The following KIF26B variants were observed in gnomAD, a reference collection of about 807,000 sequenced individuals.
KIF26B encodes kinesin-like protein KIF26B.
In KIF26B, 63 loss-of-function variants were observed where a neutral mutation model predicts 151.2. That is an observed-to-expected ratio of 0.42 (90% CI 0.34 to 0.51). The LOEUF is 0.51. KIF26B is among the 20% of genes least tolerant of loss of function. The pLI, the probability that KIF26B is intolerant of heterozygous loss-of-function variation, is 0.07. For missense variants in KIF26B, 2,813 were observed against 2,913.6 expected (o/e 0.97, Z 0.79); for synonymous variants, 1,357 against 1,262.1 (o/e 1.08, Z -1.59).
chr1:245,464,655 C>CGT (rs113838583), intron 4 of KIF26B, among the ~76,000 whole-genome samples: 10 of 126,082 alleles, frequency 7.9e-5, no homozygotes, highest in South Asian at 2.7e-4. Context: ...TGTGGGTGTG[C>CGT]GTGTGTGTGT....
chr1:245,454,907 A>G (rs1320263620), intron 4 of KIF26B, among the ~76,000 whole-genome samples: 1 of 152,202 alleles, frequency 6.6e-6, no homozygotes, highest in Non-Finnish European at 1.5e-5. Context: ...TCCCCTCTGT[A>G]AAGCTGGAGT....
At chr1:245,232,580 T>G (rs1670020430) in intron 2 of KIF26B, among the ~76,000 whole-genome samples, 1 of 151,530 alleles carries the variant, frequency 6.6e-6, no homozygotes, top group African/African-American at 2.4e-5. Flanking sequence ...GATGGAGTTT[T>G]GCTCTTGTTG....
At chr1:245,157,507 G>A (rs1280974971) in intron 2 of KIF26B, among the ~76,000 whole-genome samples, 1 of 152,200 alleles carries the variant, frequency 6.6e-6, no homozygotes, top group African/African-American at 2.4e-5. Context: ...TATTATTTCC[G>A]TGACTTTAGA....
At chr1:245,389,798 G>A (rs556162100) in intron 3 of KIF26B, among the ~76,000 whole-genome samples, 21 of 152,224 alleles carry the variant, frequency 1.4e-4, no homozygotes, top group African/African-American at 4.6e-4. Context: ...TATGAGAGAC[G>A]CCAGCCCAAC....
chr1:245,369,197 G>GAC (rs1448812143), intron 3 of KIF26B, among the ~76,000 whole-genome samples: 1 of 143,948 alleles, frequency 6.9e-6, no homozygotes, highest in Non-Finnish European at 1.5e-5. Context: ...GAGAGAGAGA[G>GAC]ACAGACAGAC....
chr1:245,540,610 T>C lies in KIF26B; in HGVS notation c.1167-157T>C. 1.3e-6 allele frequency: 1 copy of C among 769,408 alleles called. No individual in the cohort carries two copies. Among genetic ancestry groups the C allele is most frequent in the Non-Finnish European group, 2.4e-6 (1 of 419,814 alleles). 47.7% of individuals were successfully genotyped at this position (769,408 alleles called of 1,614,324 possible). A position where few individuals can be genotyped will look rare whatever the true frequency, so the allele number is the denominator to read the frequency against. On this transcript the variant is annotated intron_variant, in intron 4 of 14. Coordinates refer to ENST00000407071, the MANE Select transcript of KIF26B (RefSeq NM_018012.4). The surrounding 1 kb of genome is among the most constrained non-coding windows in gnomAD (Gnocchi z 4.6). The stretch of plus-strand genomic sequence containing the variant: ...GGGTAGCTCGTTAACTTCACTCTGT[T>C]ATAGTAAGGGACTGCTACAGAGGAC...
At chr1:245,473,455 G>A (rs758046996) in intron 4 of KIF26B, among the ~76,000 whole-genome samples, 9 of 152,160 alleles carry the variant, frequency 5.9e-5, no homozygotes, top group Non-Finnish European at 1.2e-4. Context: ...GGCAAGCTAG[G>A]CGAGTGTGCC....
chr1:245,243,349 A>G (rs1195834735), intron 2 of KIF26B, among the ~76,000 whole-genome samples: 1 of 151,970 alleles, frequency 6.6e-6, no homozygotes, highest in Non-Finnish European at 1.5e-5. Context: ...TCCATGACCT[A>G]AATGTTCACA....
chr1:245,472,934 G>C (rs540954451), intron 4 of KIF26B, among the ~76,000 whole-genome samples: 6 of 152,232 alleles, frequency 3.9e-5, no homozygotes, highest in Non-Finnish European at 8.8e-5. Context: ...CCAAGAGGTA[G>C]GTGTGCAAGA....
At chr1:245,554,408 T>G (rs1363003382) in intron 5 of KIF26B, among the ~76,000 whole-genome samples, 2 of 152,216 alleles carry the variant, frequency 1.3e-5, no homozygotes, top group African/African-American at 4.8e-5. Context: ...CACCTCTTAG[T>G]CCATCTGGTC....
chr1:245,633,745 ATTT>A (rs2103174288), intron 9 of KIF26B, among the ~76,000 whole-genome samples: 1 of 152,192 alleles, frequency 6.6e-6, no homozygotes, highest in African/African-American at 2.4e-5. Flanking sequence ...TTTCAGCAAT[ATTT>A]TATGGTTTTT....
rs1019041139 is a variant in KIF26B, at chr1:245,606,936, C to G, written c.1558-715C>G. On this transcript the variant is annotated intron_variant, in intron 6 of 14. Coordinates refer to ENST00000407071, the MANE Select transcript of KIF26B (RefSeq NM_018012.4). This position sits in a 1 kb window ranked among gnomAD's most constrained non-coding sequence, Gnocchi z 4.6. The stretch of plus-strand genomic sequence containing the variant: ...AAAAAATTAGCCAGGCATGGTGGCA[C>G]ATGCCTGTAATCCCAGCTACTCGGG... Among the ~76,000 whole-genome samples the G allele has an allele frequency of 6.6e-6, 1 of 151,884 alleles. No homozygotes were observed. The highest frequency in any genetic ancestry group is 1.5e-5 in the Non-Finnish European group (1 of 67,960).
chr1:245,341,303 GTTTTTTTTTT>G (rs34249209), intron 2 of KIF26B, among the ~76,000 whole-genome samples: 60 of 82,572 alleles, frequency 7.3e-4, no homozygotes, highest in African/African-American at 1.8e-3. Flanking sequence ...AAAAGATGCA[GTTTTTTTTTT>G]TTTTTTTTTT....
Position 245,242,231 on chromosome 1 carries a change from T to A in KIF26B, c.465+85548T>A, listed in dbSNP as rs536942935. Among the ~76,000 whole-genome samples the A allele has an allele frequency of 3.3e-5, 5 of 152,202 alleles. No homozygotes were observed. The South Asian group carries it at 1.0e-3, about 32-fold the overall frequency. ...CACAGCGAGACCCTGTCTCTATGCCTTCCCCCCCCAAAATAGGGAACATAT... is the reference window on the plus strand; with the variant it reads ...CACAGCGAGACCCTGTCTCTATGCCATCCCCCCCCAAAATAGGGAACATAT... On this transcript the variant is annotated intron_variant, in intron 2 of 14. Coordinates refer to ENST00000407071, the MANE Select transcript of KIF26B (RefSeq NM_018012.4).
At position 245,703,705 on chromosome 1, in the gene KIF26B, T is replaced by G. The variant is rs545637266; in HGVS notation, c.*1099T>G. The G allele has an allele frequency of 6.6e-6, 1 of 152,160 alleles. No individual in the cohort carries two copies. The highest frequency in any genetic ancestry group is 2.4e-5 in the African/African-American group (1 of 41,444). 9.4% of individuals were successfully genotyped at this position (152,160 alleles called of 1,614,324 possible). ...TGTGTTGTAGATTGATTAAAGTGGGTTTTTCCCCAGCTGAGAGACCTTCTC... is the reference window on the plus strand; with the variant it reads ...TGTGTTGTAGATTGATTAAAGTGGGGTTTTCCCCAGCTGAGAGACCTTCTC... On this transcript the variant is annotated 3_prime_UTR_variant, in exon 15 of 15. Coordinates refer to ENST00000407071, the MANE Select transcript of KIF26B (RefSeq NM_018012.4).
intron 4 of KIF26B, among the ~76,000 whole-genome samples, chr1:245,458,902 A>G (rs941722397): frequency 5.9e-5 from 9 of 152,220 alleles, no homozygotes; most frequent in African/African-American, 1.4e-4. Context: ...TCCTTAGCCT[A>G]CAAATAAGGG....
chr1:245,188,887 A>T (rs527273426), intron 2 of KIF26B, among the ~76,000 whole-genome samples: 1 of 152,210 alleles, frequency 6.6e-6, no homozygotes, highest in Non-Finnish European at 1.5e-5. Flanking sequence ...AAGGAGTGAA[A>T]TTCTGAAACA....
At chr1:245,250,566 G>T (rs1234547782) in intron 2 of KIF26B, among the ~76,000 whole-genome samples, 1 of 152,194 alleles carries the variant, frequency 6.6e-6, no homozygotes, top group African/African-American at 2.4e-5. Flanking sequence ...GATGTTGCCA[G>T]TTTGTTCTCC....
chr1:245,216,425 C>T (rs1162977550), intron 2 of KIF26B: 1 of 107,464 alleles, frequency 9.3e-6, no homozygotes, highest in Non-Finnish European at 1.7e-5. Flanking sequence ...TCCCGAAGAA[C>T]AAAAGGCAAT....
Sources: allele counts gnomAD v4.1 joint callset (sites outside exome capture counted in the v4.1 genomes callset), GRCh38; gene constraint gnomAD v4.1.1; non-coding constraint Gnocchi (gnomAD v3.1); transcripts MANE v1.5; gene names NCBI Gene and HGNC (gene_info 2026-07-23, HGNC 2026-07-21).